Variants in KLHL13 observed in about 807,000 individuals in gnomAD.
The protein encoded by KLHL13 is kelch-like protein 13.
In KLHL13, 10 loss-of-function variants were observed where a neutral mutation model predicts 37.1. The observed-to-expected ratio is 0.27, with a 90% confidence interval of 0.17 to 0.46. KLHL13 has a LOEUF of 0.46. Ranked by LOEUF, KLHL13 falls within the 20% of genes least tolerant of loss-of-function variation. The pLI is 1.00. For missense variants in KLHL13, 360 were observed against 509.3 expected (o/e 0.71, Z 2.82); for synonymous variants, 163 against 181.2 (o/e 0.90, Z 0.81).
intron 1 of KLHL13, among the ~76,000 whole-genome samples, chrX:118,067,103 C>G (rs886682945): frequency 2.7e-5 from 3 of 111,632 alleles, no homozygotes; most frequent in African/African-American, 9.8e-5. Flanking sequence ...ATGATATAGC[C>G]TATTATATAC....
At chrX:118,048,373 G>A (rs771785237) in intron 1 of KLHL13, among the ~76,000 whole-genome samples, 135 of 110,957 alleles carry the variant, frequency 1.2e-3, no homozygotes, top group Non-Finnish European at 2.1e-3. Context: ...AAATAATAAG[G>A]GAAATGATAA....
At chrX:117,904,539 C>A (rs1393813795) in intron 5 of KLHL13, among the ~76,000 whole-genome samples, 1 of 111,243 alleles carries the variant, frequency 9.0e-6, no homozygotes, top group Non-Finnish European at 1.9e-5. Flanking sequence ...GTCCATAGGC[C>A]AAATCCAGTC....
intron 1 of KLHL13, among the ~76,000 whole-genome samples, chrX:118,097,898 C>A (rs2055231870): frequency 9.0e-6 from 1 of 111,550 alleles, no homozygotes. Context: ...GAAACTGGAT[C>A]CCTTCCTTAC....
chrX:117,931,389 T>C (rs1268320609), intron 2 of KLHL13, among the ~76,000 whole-genome samples: 1 of 111,632 alleles, frequency 9.0e-6, no homozygotes, highest in Non-Finnish European at 1.9e-5. Context: ...TAATATACAC[T>C]GCCACCAGCT....
At chrX:118,043,635 A>AC (rs2054528960) in intron 1 of KLHL13, among the ~76,000 whole-genome samples, 1 of 111,829 alleles carries the variant, frequency 8.9e-6, no homozygotes, top group Non-Finnish European at 1.9e-5. Flanking sequence ...AAGGACAAAA[A>AC]CCTTATGATC....
chrX:117,975,177 T>TACAC (rs760035096), upstream of KLHL13, among the ~76,000 whole-genome samples: 6,072 of 103,237 alleles, frequency 0.059, 457 homozygotes, highest in African/African-American at 0.2. Flanking sequence ...GAGAAATACA[T>TACAC]ACACACACAC....
intron 1 of KLHL13, among the ~76,000 whole-genome samples, chrX:118,004,719 C>T (rs905376342): frequency 8.9e-6 from 1 of 111,916 alleles, no homozygotes; most frequent in East Asian, 2.8e-4. Context: ...ATCAGAAATA[C>T]TATTAATTAG....
At chrX:117,977,046 G>A (rs1030999719), upstream of KLHL13, among the ~76,000 whole-genome samples, 2 of 111,803 alleles carry the variant, frequency 1.8e-5, no homozygotes, top group Non-Finnish European at 3.8e-5. Flanking sequence ...CCTAGTATAG[G>A]ACTCTTGTAG....
rs754419414 is a variant in KLHL13 at position 117,926,848 on chromosome X, A to G, written c.241-6478T>C. Among the ~76,000 whole-genome samples the G allele has an allele frequency of 1.0e-4, 10 of 99,746 alleles. No homozygotes were observed. The South Asian group carries it at 5.5e-3, about 54-fold the overall frequency. The allele number at this position is 99,746 out of a possible 115,157, so 86.6% of individuals were successfully genotyped here. A position where few individuals can be genotyped will look rare whatever the true frequency, so the allele number is the denominator to read the frequency against. On this transcript the variant is annotated intron_variant, in intron 2 of 6. Coordinates refer to ENST00000262820, the Ensembl canonical transcript of KLHL13. ...CGTAAGCTGGAAACAGTCACCTGTC[A>G]ACAGACAGAAAAAGCTCCAGGAGAA...
At chrX:118,089,632 A>AAGAG (rs1343385146) in intron 1 of KLHL13, among the ~76,000 whole-genome samples, 1 of 100,602 alleles carries the variant, frequency 9.9e-6, no homozygotes, top group East Asian at 3.1e-4. Context: ...GAAAGAAAGA[A>AAGAG]AGAAAGAAAG....
At chrX:117,952,227 C>A (rs1490472320) in intron 1 of KLHL13, among the ~76,000 whole-genome samples, 14 of 111,254 alleles carry the variant, frequency 1.3e-4, no homozygotes, top group Non-Finnish European at 2.5e-4. Context: ...TGGAACAGAA[C>A]AGAGCCCTCA....
At chrX:117,929,513 C>T (rs1244893879) in intron 2 of KLHL13, among the ~76,000 whole-genome samples, 3 of 111,103 alleles carry the variant, frequency 2.7e-5, no homozygotes, top group Non-Finnish European at 5.7e-5. Context: ...TGCAAGGTTG[C>T]TTTCACAATC....
chrX:117,905,772 T>G (rs945405480), intron 5 of KLHL13, among the ~76,000 whole-genome samples: 1 of 111,183 alleles, frequency 9.0e-6, no homozygotes, highest in South Asian at 3.8e-4. Flanking sequence ...AGATGGAGTA[T>G]CCATCCTTTC....
exon 1 of KLHL13, chrX:117,973,571 G>C: frequency 2.3e-6 from 2 of 876,329 alleles, no homozygotes; most frequent in Non-Finnish European, 2.8e-6. Flanking sequence ...AACTGCTTCA[G>C]AACTCTGCAG....
At position 118,113,952 on chromosome X, in the gene KLHL13, T is replaced by C. The variant is rs192170055; in HGVS notation, c.-56+2556A>G. On this transcript the variant is annotated intron_variant, in intron 1 of 6. Coordinates refer to the KLHL13 transcript ENST00000371882. ...AATGAATGAATGATACATAAAAACC[T>C]GATTGTTATGAATATCAGTAACTTG... Among the ~76,000 whole-genome samples the C allele has an allele frequency of 2.8e-3, 312 of 112,373 alleles. 2 individuals carry two copies. The highest frequency in any genetic ancestry group is 4.5e-3 in the Non-Finnish European group (242 of 53,289).
At chrX:118,026,878 T>G (rs958391978) in intron 1 of KLHL13, among the ~76,000 whole-genome samples, 7 of 111,774 alleles carry the variant, frequency 6.3e-5, no homozygotes, top group African/African-American at 2.3e-4. Flanking sequence ...AAAAGAGCTT[T>G]CAATGGAAAA....
intron 1 of KLHL13, among the ~76,000 whole-genome samples, chrX:118,027,430 C>T (rs1052280010): frequency 1.8e-5 from 2 of 111,009 alleles, no homozygotes; most frequent in Non-Finnish European, 3.8e-5. Context: ...ATTCCCAGGA[C>T]GCTCAGTTCT....
chrX:118,082,063 G>A (rs1042729952), intron 1 of KLHL13, among the ~76,000 whole-genome samples: 2 of 109,439 alleles, frequency 1.8e-5, no homozygotes, highest in African/African-American at 6.7e-5. Flanking sequence ...GAATAGTGTT[G>A]TAATAAACAT....
chrX:117,902,808 A>G (rs1390970348), intron 5 of KLHL13, among the ~76,000 whole-genome samples: 1 of 111,087 alleles, frequency 9.0e-6, no homozygotes, highest in Non-Finnish European at 1.9e-5. Flanking sequence ...AAAAGTTCAT[A>G]TTATTTATTG....
Sources: allele counts gnomAD v4.1 joint callset (sites outside exome capture counted in the v4.1 genomes callset), GRCh38; gene constraint gnomAD v4.1.1; transcripts MANE v1.5; gene names NCBI Gene and HGNC (gene_info 2026-07-23, HGNC 2026-07-21).